Variants in FAM13B observed in about 807,000 individuals in gnomAD.
FAM13B encodes the protein family with sequence similarity 13 member B.
In FAM13B, 60 loss-of-function variants were observed where a neutral mutation model predicts 117.3. The ratio of observed to expected loss-of-function variants is 0.51; its 90% CI spans 0.42 to 0.63. The LOEUF (loss-of-function observed/expected upper bound fraction) is 0.63, where lower values mean the gene tolerates loss of function less well. Among genes scored for constraint, FAM13B ranks in the 30% least tolerant of loss-of-function variants. The pLI is 0.00. For synonymous variants in FAM13B, 332 were observed against 356.1 expected (o/e 0.93, Z 0.76); for missense variants, 972 against 1,091.9 (o/e 0.89, Z 1.55).
At chr5:138,022,817 CA>C (rs1787121520) in intron 1 of FAM13B, among the ~76,000 whole-genome samples, 2 of 151,122 alleles carry the variant, frequency 1.3e-5, no homozygotes, top group South Asian at 4.2e-4. Flanking sequence ...TTAATGAAAT[CA>C]AGAAGCTATT....
At chr5:137,987,000 G>A (rs1424259354) in intron 9 of FAM13B, among the ~76,000 whole-genome samples, 1 of 152,126 alleles carries the variant, frequency 6.6e-6, no homozygotes, top group Non-Finnish European at 1.5e-5. Context: ...ACATAAGCAG[G>A]GGAGAGGCTG....
intron 17 of FAM13B, among the ~76,000 whole-genome samples, chr5:137,951,102 C>T (rs1422135738): frequency 6.8e-6 from 1 of 146,692 alleles, no homozygotes; most frequent in Non-Finnish European, 1.5e-5. Context: ...CCCAGCTACT[C>T]GGGATGCTGA....
At chr5:138,033,182 G>C (rs750686364), upstream of FAM13B, 3 of 457,112 alleles carry the variant, frequency 6.6e-6, no homozygotes, top group Non-Finnish European at 8.6e-6. Flanking sequence ...AGCATTCCGG[G>C]CAGCGGCCCT....
chr5:137,954,478 G>A, intron 14 of FAM13B, 102 bp from the exon 15 acceptor site: 4 of 775,462 alleles, frequency 5.2e-6, no homozygotes, highest in South Asian at 3.6e-5. Context: ...ATATCATTAT[G>A]TAGTGGTTCA....
chr5:138,042,667 A>G (rs961949060), intron 1 of FAM13B, among the ~76,000 whole-genome samples: 19 of 149,102 alleles, frequency 1.3e-4, no homozygotes, highest in Admixed American at 3.3e-4. Context: ...GGAAGTGACT[A>G]TCATAGACAT....
rs1012550125 is a variant in FAM13B at position 137,938,095 on chromosome 5, A to G, written c.*2130T>C. 3 of 152,300 alleles carry G rather than the reference A, an allele frequency of 2.0e-5. No individual in the cohort carries two copies. Among genetic ancestry groups the G allele is most frequent in the Non-Finnish European group, 4.4e-5 (3 of 68,038 alleles). 9.4% of individuals were successfully genotyped at this position (152,300 alleles called of 1,614,324 possible). On this transcript the variant is annotated 3_prime_UTR_variant, in exon 24 of 24. Transcript: ENST00000689681. ...ATACAGTTTTTATTTGTACCAAAGT[A>G]AAACTATCACCAACTGCCTAATTCT...
intron 17 of FAM13B, 95 bp from the exon 18 acceptor site, chr5:137,949,279 T>A: frequency 1.1e-6 from 1 of 878,168 alleles, no homozygotes; most frequent in Non-Finnish European, 1.9e-6. Flanking sequence ...AAGTATACAT[T>A]AACAGCACAC....
chr5:138,018,633 TGA>T, intron 3 of FAM13B, 119 bp from the exon 4 acceptor site: 1 of 885,930 alleles, frequency 1.1e-6, no homozygotes, highest in East Asian at 2.5e-5. Flanking sequence ...TTGGCTCCCC[TGA>T]CTTGTCTAAA....
chr5:138,040,957 G>C (rs560577229), intron 1 of FAM13B, among the ~76,000 whole-genome samples: 4 of 151,154 alleles, frequency 2.6e-5, no homozygotes, highest in Non-Finnish European at 5.9e-5. Context: ...CCAGCTACTC[G>C]AGAGGCTAAG....
upstream of FAM13B, chr5:138,036,707 G>T (rs1038537226): frequency 1.0e-5 from 4 of 383,114 alleles, no homozygotes; most frequent in African/African-American, 4.2e-5. Flanking sequence ...TCTAGAGGGG[G>T]TCTATCTCAG....
intron 20 of FAM13B, among the ~76,000 whole-genome samples, chr5:137,944,922 A>T (rs1188029936): frequency 6.6e-6 from 1 of 151,012 alleles, no homozygotes; most frequent in Non-Finnish European, 1.5e-5. Context: ...CATAAAAAAA[A>T]GGCAACAACA....
In FAM13B at chr5:138,032,808, T is replaced by C. The variant is rs751994809; in HGVS notation, c.-229A>G. On this transcript the variant is annotated 5_prime_UTR_variant, in exon 1 of 24. Transcript: ENST00000689681. ...GTTGGAACCGCGATGCCCCGTTCCC[T>C]GGCCGCGGCCGCTTCTCCAGGACCC... 13 of 985,644 alleles carry C rather than the reference T, an allele frequency of 1.3e-5. No individual in the cohort carries two copies. Among genetic ancestry groups the C allele is most frequent in the African/African-American group, 1.0e-4 (6 of 57,238 alleles). 61.1% of individuals were successfully genotyped at this position (985,644 alleles called of 1,614,324 possible).
intron 1 of FAM13B, among the ~76,000 whole-genome samples, chr5:138,047,888 C>T (rs899439637): frequency 6.6e-6 from 1 of 152,196 alleles, no homozygotes; most frequent in East Asian, 1.9e-4. Context: ...GTGAGACCCA[C>T]GTCAGACTGC....
Position 137,940,073 on chromosome 5 carries a change from T to A in FAM13B, c.*152A>T, listed in dbSNP as rs1581023792. The A allele has an allele frequency of 1.2e-6, 2 of 1,614,154 alleles. No individual in the cohort carries two copies. Among genetic ancestry groups the A allele is most frequent in the East Asian group, 4.5e-5 (2 of 44,876 alleles). On this transcript the variant is annotated 3_prime_UTR_variant, in exon 24 of 24. Coordinates refer to ENST00000689681, the MANE Select transcript of FAM13B (RefSeq NM_001385994.1). ...TTGAGAGGGCCTACTTACTCTCCCA[T>A]CATTTGTTTTGTTTAGTGGCACCAC...
chr5:138,005,604 A>C (rs1016419001), intron 7 of FAM13B, among the ~76,000 whole-genome samples: 40 of 151,990 alleles, frequency 2.6e-4, no homozygotes, highest in Admixed American at 1.4e-3. Context: ...ACAGTTAAGA[A>C]ACCATCAAAA....
At chr5:138,037,964 CAAATAGGGAAACAGACTT>C (rs892806336), upstream of FAM13B, among the ~76,000 whole-genome samples, 1 of 152,166 alleles carries the variant, frequency 6.6e-6, no homozygotes, top group African/African-American at 2.4e-5. Flanking sequence ...CCCCATTAGT[CAAATAGGGAAACAGACTT>C]AAATGAATTG....
At chr5:137,993,734 C>G (rs1171990196) in intron 7 of FAM13B, among the ~76,000 whole-genome samples, 1 of 152,064 alleles carries the variant, frequency 6.6e-6, no homozygotes, top group East Asian at 1.9e-4. Flanking sequence ...TCGCAGTGAG[C>G]TGAGATCCCA....
In FAM13B at chr5:137,949,143, T is replaced by C. The variant is rs1398916293; in HGVS notation, c.1972A>G (p.Thr658Ala). 6.2e-7 allele frequency: 1 copy of C among 1,614,142 alleles called. No individual in the cohort carries two copies. Among genetic ancestry groups the C allele is most frequent in the South Asian group, 1.1e-5 (1 of 91,082 alleles). ...KNSDGEFVPQTRPRSNTLPKS... is the reference protein window; with the variant it reads ...KNSDGEFVPQARPRSNTLPKS... ...GGAAGTGTGTTACTACGTGGACGTG[T>C]CTGAGGTACAAATTCTCCATCAGAA... The change falls in exon 18 of 24, where the codon ACA becomes GCA. Residue 658 changes from threonine (T) to alanine (A), a missense_variant. Thr to Ala is a moderately conservative substitution (Grantham distance 58). Coordinates refer to ENST00000689681, the MANE Select transcript of FAM13B (RefSeq NM_001385994.1).
At chr5:137,964,148 C>T (rs1768972018) in intron 10 of FAM13B, among the ~76,000 whole-genome samples, 1 of 152,152 alleles carries the variant, frequency 6.6e-6, no homozygotes, top group African/African-American at 2.4e-5. Flanking sequence ...AACTCCATCT[C>T]CTGGGTTCAA....
Sources: gnomAD v4.1 joint callset for allele counts (sites outside exome capture counted in the v4.1 genomes callset) on GRCh38, gnomAD v4.1.1 for gene constraint, MANE v1.5 for transcripts, NCBI Gene and HGNC (gene_info 2026-07-23, HGNC 2026-07-21) for gene names.